The following DMRT1 variants were observed in gnomAD, a reference collection of about 807,000 sequenced individuals.
DMRT1 encodes doublesex- and mab-3-related transcription factor 1.
In DMRT1, 7 loss-of-function variants were observed where a neutral mutation model predicts 32.3. The observed-to-expected ratio is 0.22, with a 90% CI of 0.12 to 0.41. DMRT1 has a LOEUF of 0.41. Among genes scored for constraint, DMRT1 ranks in the 10% least tolerant of loss-of-function variants. DMRT1 has a pLI of 1.00. For synonymous variants in DMRT1, 278 were observed against 206.1 expected, an observed-to-expected ratio of 1.35 and a Z score of -2.99; for missense variants, 625 against 500.5, an observed-to-expected ratio of 1.25 and a Z score of -2.37.
At chr9:930,972 A>G (rs561062723) in intron 4 of DMRT1, among the ~76,000 whole-genome samples, 9 of 152,276 alleles carry the variant, frequency 5.9e-5, no homozygotes, top group Admixed American at 4.6e-4. Context: ...ATCTAATTCC[A>G]AAACATTTCC....
At chr9:891,576 C>T (rs1035545577) in intron 2 of DMRT1, among the ~76,000 whole-genome samples, 2 of 150,322 alleles carry the variant, frequency 1.3e-5, no homozygotes, top group Non-Finnish European at 3.0e-5. Context: ...GTGCAGTGGC[C>T]CAATATCGTC....
intron 4 of DMRT1, among the ~76,000 whole-genome samples, chr9:939,702 C>G (rs965059304): frequency 1.3e-5 from 2 of 152,094 alleles, no homozygotes; most frequent in African/African-American, 2.4e-5. Context: ...TACAAGCTCA[C>G]GGGGGGAAAA....
At chr9:860,649 T>G (rs868295146) in intron 2 of DMRT1, among the ~76,000 whole-genome samples, 10 of 152,198 alleles carry the variant, frequency 6.6e-5, no homozygotes, top group Admixed American at 6.5e-4. Context: ...AAATAAGATA[T>G]TTGCAGTAAG....
rs116955036 is a variant in DMRT1 at position 847,995 on chromosome 9, T to G, written c.538+852T>G. On this transcript the variant is annotated intron_variant, in intron 2 of 4. Transcript: ENST00000382276. ...CTAATTCGATGGCACTGGTCTAGAA[T>G]GTGGGAGCTATGAGACATCCACCAA... Among the ~76,000 whole-genome samples the G allele has an allele frequency of 5.6e-3, 848 of 152,344 alleles. 5 individuals are homozygous for G. The highest frequency in any genetic ancestry group is 8.8e-3 in the Non-Finnish European group (602 of 68,038).
intron 4 of DMRT1, among the ~76,000 whole-genome samples, chr9:929,868 A>G (rs1401781060): frequency 6.6e-6 from 1 of 152,160 alleles, no homozygotes; most frequent in African/African-American, 2.4e-5. Context: ...TGGGCCTAGC[A>G]TAATGCTCTG....
intron 4 of DMRT1, among the ~76,000 whole-genome samples, chr9:921,909 C>T: frequency 6.6e-6 from 1 of 152,282 alleles, no homozygotes; most frequent in Non-Finnish European, 1.5e-5. Flanking sequence ...ACACAGCCCT[C>T]CAGCTCTGTA....
chr9:880,724 C>CAAAAAAA (rs754419367), intron 2 of DMRT1, among the ~76,000 whole-genome samples: 4 of 62,060 alleles, frequency 6.4e-5, no homozygotes, highest in Admixed American at 1.7e-4. Flanking sequence ...AACTCAGTCT[C>CAAAAAAA]AAAAAAAAAA....
intron 4 of DMRT1, among the ~76,000 whole-genome samples, chr9:927,892 G>A (rs1483498703): frequency 6.6e-6 from 1 of 152,198 alleles, no homozygotes; most frequent in Non-Finnish European, 1.5e-5. Context: ...TTTCTCCCGG[G>A]AGTATTGTGG....
At chr9:917,078 C>T (rs1049054142) in intron 4 of DMRT1, among the ~76,000 whole-genome samples, 171 bp downstream of exon 4, 1 of 152,150 alleles carries the variant, frequency 6.6e-6, no homozygotes, top group African/African-American at 2.4e-5. Context: ...AATGACTTTG[C>T]TATGCTTGAT....
In DMRT1 at chr9:847,235, T is replaced by G. The variant is rs1459390980; in HGVS notation, c.538+92T>G. The G allele has an allele frequency of 2.2e-6, 3 of 1,342,826 alleles. No homozygotes were observed. In the African/African-American group the frequency reaches 4.3e-5, roughly 19 times the overall value. The allele number at this position is 1,342,826 out of a possible 1,614,324, so 83.2% of individuals were successfully genotyped here. Reference sequence around the variant, plus strand: ...AGAAGCAGGGCTCCCCTGAGCTACATACAGTGTTTAGAGCTTAGAGGATTC... The same window carrying G: ...AGAAGCAGGGCTCCCCTGAGCTACAGACAGTGTTTAGAGCTTAGAGGATTC... On this transcript the variant is annotated intron_variant, in intron 2 of 4. Coordinates refer to ENST00000382276, the MANE Select transcript of DMRT1 (RefSeq NM_021951.3).
At chr9:930,474 C>T (rs989901896) in intron 4 of DMRT1, among the ~76,000 whole-genome samples, 5 of 151,590 alleles carry the variant, frequency 3.3e-5, no homozygotes, top group South Asian at 2.1e-4. Context: ...TGCAGTGGTG[C>T]GATCTCGGCT....
At chr9:891,253 C>T (rs916119382) in intron 2 of DMRT1, among the ~76,000 whole-genome samples, 1 of 149,946 alleles carries the variant, frequency 6.7e-6, no homozygotes, top group Non-Finnish European at 1.5e-5. Flanking sequence ...TCGAGATCAG[C>T]CTGGCCAACA....
chr9:849,972 C>G (rs145691587), intron 2 of DMRT1, among the ~76,000 whole-genome samples: 1 of 152,148 alleles, frequency 6.6e-6, no homozygotes, highest in Non-Finnish European at 1.5e-5. Context: ...TACAAGCATG[C>G]GCTATCTGGC....
intron 3 of DMRT1, among the ~76,000 whole-genome samples, chr9:908,941 G>A (rs1817877144): frequency 1.3e-5 from 2 of 152,010 alleles, no homozygotes; most frequent in African/African-American, 2.4e-5. Flanking sequence ...GCTTAGCACA[G>A]CAGCTTCACC....
At chr9:892,903 T>C (rs10977316) in intron 2 of DMRT1, among the ~76,000 whole-genome samples, 2 of 152,190 alleles carry the variant, frequency 1.3e-5, no homozygotes, top group Non-Finnish European at 2.9e-5. Flanking sequence ...TCCTTTGTCC[T>C]TGCTGCTCCT....
intron 2 of DMRT1, among the ~76,000 whole-genome samples, chr9:882,740 C>T (rs776581855): frequency 3.3e-5 from 5 of 149,654 alleles, no homozygotes; most frequent in African/African-American, 9.8e-5. Context: ...TGCTCAGTGG[C>T]GCCCCCGTCT....
intron 3 of DMRT1, among the ~76,000 whole-genome samples, chr9:897,278 AT>A (rs929295859): frequency 3.3e-5 from 5 of 149,678 alleles, no homozygotes; most frequent in South Asian, 2.1e-4. Context: ...ACGCGTGGCT[AT>A]TTTTTTTTCT....
At chr9:852,963 A>C (rs569304562) in intron 2 of DMRT1, among the ~76,000 whole-genome samples, 4 of 152,360 alleles carry the variant, frequency 2.6e-5, no homozygotes, top group Admixed American at 2.0e-4. Flanking sequence ...TAAGTGCTTA[A>C]AAGTTCATAA....
At chr9:936,601 G>T (rs751466557) in intron 4 of DMRT1, among the ~76,000 whole-genome samples, 2 of 151,882 alleles carry the variant, frequency 1.3e-5, no homozygotes, top group Non-Finnish European at 2.9e-5. Context: ...AAAATACAAA[G>T]AATTAGCCAA....
Sources: allele counts gnomAD v4.1 joint callset (sites outside exome capture counted in the v4.1 genomes callset), GRCh38; gene constraint gnomAD v4.1.1; transcripts MANE v1.5; gene names NCBI Gene and HGNC (gene_info 2026-07-23, HGNC 2026-07-21).